Variants in ASAP1 observed in about 807,000 individuals in gnomAD.
ASAP1 encodes ArfGAP with SH3 domain, ankyrin repeat and PH domain 1.
In ASAP1, 43 loss-of-function variants were observed where a neutral mutation model predicts 145.2. That is an observed-to-expected ratio of 0.30 (90% CI 0.23 to 0.38). The LOEUF (loss-of-function observed/expected upper bound fraction) is 0.38. ASAP1 is among the 10% of genes least tolerant of loss of function. The pLI is 1.00. For synonymous variants in ASAP1, 546 were observed against 515.5 expected, an observed-to-expected ratio of 1.06 and a Z score of -0.80; for missense variants, 1,018 against 1,355.3, an observed-to-expected ratio of 0.75 and a Z score of 3.91.
At chr8:130,116,643 T>A (rs1025264142) in intron 22 of ASAP1, 35 bp downstream of exon 22, 1 of 1,577,594 alleles carries the variant, frequency 6.3e-7, no homozygotes, top group Admixed American at 1.7e-5. Flanking sequence ...AGGCAGCCAA[T>A]GTCTAATAAA....
intron 2 of ASAP1, among the ~76,000 whole-genome samples, chr8:130,367,185 C>T (rs911775288): frequency 8.3e-4 from 126 of 152,058 alleles, no homozygotes; most frequent in African/African-American, 2.8e-3. Context: ...CCACCACACC[C>T]GGCCGCTAGA....
chr8:130,289,893 G>A (rs1043691596), intron 3 of ASAP1, among the ~76,000 whole-genome samples: 3 of 152,090 alleles, frequency 2.0e-5, no homozygotes, highest in Admixed American at 6.5e-5. Context: ...TATCCAGTAC[G>A]TTTCTAGTTT....
At chr8:130,164,043 T>G (rs190462161) in intron 11 of ASAP1, among the ~76,000 whole-genome samples, 2 of 152,196 alleles carry the variant, frequency 1.3e-5, no homozygotes, top group African/African-American at 4.8e-5. Flanking sequence ...CTAAAATTTC[T>G]AATGCAAGGT....
At chr8:130,158,835 C>G (rs1409404879) in intron 12 of ASAP1, among the ~76,000 whole-genome samples, 1 of 151,886 alleles carries the variant, frequency 6.6e-6, no homozygotes, top group East Asian at 1.9e-4. Context: ...GGGTTCGCAC[C>G]ATTCTCCTGC....
chr8:130,186,603 A>G (rs1814747184), intron 7 of ASAP1, among the ~76,000 whole-genome samples: 2 of 151,848 alleles, frequency 1.3e-5, no homozygotes, highest in African/African-American at 4.8e-5. Context: ...CCTAACAAGA[A>G]CTCCACGAGG....
intron 3 of ASAP1, among the ~76,000 whole-genome samples, chr8:130,312,770 G>A (rs150999475): frequency 6.6e-6 from 1 of 152,184 alleles, no homozygotes; most frequent in Non-Finnish European, 1.5e-5. Flanking sequence ...ACAAAGCCTA[G>A]CACAGAAATT....
Position 130,186,785 on chromosome 8 carries a change from T to C in ASAP1, c.530+451A>G, listed in dbSNP as rs780004487. Reference sequence around the variant, plus strand: ...TAAACAGAGAGTAAAGCTGTACAGATAGTTTCCTGTGAAGAGGTCATACAT... The same window carrying C: ...TAAACAGAGAGTAAAGCTGTACAGACAGTTTCCTGTGAAGAGGTCATACAT... On this transcript the variant is annotated intron_variant, in intron 7 of 29. Coordinates refer to ENST00000518721, the MANE Select transcript of ASAP1 (RefSeq NM_018482.4). 2.6e-5 allele frequency among the ~76,000 whole-genome samples: 4 copies of C among 152,294 alleles called. No individual in the cohort carries two copies. In the East Asian group the frequency reaches 5.8e-4, roughly 22 times the overall value.
chr8:130,362,463 A>G (rs1826764575), intron 2 of ASAP1, among the ~76,000 whole-genome samples: 2 of 152,254 alleles, frequency 1.3e-5, no homozygotes, highest in South Asian at 4.1e-4. Flanking sequence ...TATGTTTCAG[A>G]TTATTGTGTG....
At chr8:130,066,816 C>G (rs2097431886) in intron 27 of ASAP1, among the ~76,000 whole-genome samples, 1 of 152,186 alleles carries the variant, frequency 6.6e-6, no homozygotes, top group African/African-American at 2.4e-5. Flanking sequence ...CAGGTGTGCC[C>G]TGAGCCTCAG....
In ASAP1 at chr8:130,149,787, G is replaced by A. The variant is rs545786346; in HGVS notation, c.1080+2949C>T. On this transcript the variant is annotated intron_variant, in intron 13 of 29. Coordinates refer to ENST00000518721, the MANE Select transcript of ASAP1 (RefSeq NM_018482.4). ...GTGTTTGCAAAGTCAGGAAAAGCCC[G>A]CTAAAACTGGCTAGAGACCTTTCTG... Among the ~76,000 whole-genome samples the A allele has an allele frequency of 2.6e-5, 4 of 152,172 alleles. No homozygotes were observed. The South Asian group carries it at 6.2e-4, about 24-fold the overall frequency.
chr8:130,442,359 G>C (rs1226578679), intron 1 of ASAP1, among the ~76,000 whole-genome samples: 1 of 152,168 alleles, frequency 6.6e-6, no homozygotes, highest in South Asian at 2.1e-4. Context: ...GGGTGAATCA[G>C]TTGTTCTCAA....
rs150379562 is a variant in ASAP1 at position 130,401,920 on chromosome 8, G to A, written c.24C>T (p.Leu8=). The change falls in exon 2 of 30, where the codon CTC becomes CTT. Residue 8 remains leucine, a synonymous_variant. Coordinates refer to ENST00000518721, the MANE Select transcript of ASAP1 (RefSeq NM_018482.4). MRSSASR[L]SSFSSRDSLW... ...GTGAATCTCTCGACGAAAAACTGGAGAGCCTGGAGGCTGAAGATCTCATGT... is the reference window on the plus strand; with the variant it reads ...GTGAATCTCTCGACGAAAAACTGGAAAGCCTGGAGGCTGAAGATCTCATGT... The A allele has an allele frequency of 2.5e-6, 4 of 1,613,636 alleles. No individual in the cohort carries two copies. In the East Asian group the frequency reaches 6.7e-5, roughly 27 times the overall value.
intron 13 of ASAP1, among the ~76,000 whole-genome samples, chr8:130,145,202 C>T (rs2097625334): frequency 6.6e-6 from 1 of 152,232 alleles, no homozygotes; most frequent in Non-Finnish European, 1.5e-5. Context: ...CTATTAATTT[C>T]AGTAGCCACT....
At chr8:130,076,529 CCT>C (rs1491526960) in intron 26 of ASAP1, 123 bp from the exon 27 acceptor site, 2 of 790,286 alleles carry the variant, frequency 2.5e-6, no homozygotes, top group Admixed American at 6.0e-5. Context: ...TTCAAAATTT[CCT>C]TTTTTTTTGA....
chr8:130,214,909 CT>C (rs947739923), intron 4 of ASAP1, among the ~76,000 whole-genome samples: 1 of 150,608 alleles, frequency 6.6e-6, no homozygotes, highest in African/African-American at 2.4e-5. Flanking sequence ...ATCTTTTTTT[CT>C]TTTTTTTTGA....
intron 2 of ASAP1, among the ~76,000 whole-genome samples, chr8:130,364,340 G>A (rs1006211894): frequency 6.6e-6 from 1 of 152,170 alleles, no homozygotes; most frequent in African/African-American, 2.4e-5. Flanking sequence ...AGTATTATGC[G>A]CCCTGTATTA....
chr8:130,348,405 T>C (rs1825817171), intron 3 of ASAP1, among the ~76,000 whole-genome samples: 1 of 152,192 alleles, frequency 6.6e-6, no homozygotes, highest in African/African-American at 2.4e-5. Context: ...TTAGGTGCTG[T>C]CTTATCAAGG....
chr8:130,076,272 A>C, intron 27 of ASAP1, 76 bp downstream of exon 27: 2 of 1,016,862 alleles, frequency 2.0e-6, no homozygotes, highest in Non-Finnish European at 3.0e-6. Flanking sequence ...TGAACAAGGG[A>C]GATAAAAACC....
At chr8:130,257,267 A>G (rs1819621239) in intron 3 of ASAP1, among the ~76,000 whole-genome samples, 1 of 152,156 alleles carries the variant, frequency 6.6e-6, no homozygotes, top group South Asian at 2.1e-4. Context: ...TATCTACACA[A>G]CCCAGAGATT....
Sources: allele counts gnomAD v4.1 joint callset (sites outside exome capture counted in the v4.1 genomes callset), GRCh38; gene constraint gnomAD v4.1.1; transcripts MANE v1.5; gene names NCBI Gene and HGNC (gene_info 2026-07-23, HGNC 2026-07-21).